Variants in TMEM132B observed in about 807,000 individuals in gnomAD.
The protein encoded by TMEM132B is transmembrane protein 132B.
Under a neutral mutation model 90.8 loss-of-function variants are expected in TMEM132B, and 18 were observed. The ratio of observed to expected loss-of-function variants is 0.20; its 90% CI spans 0.14 to 0.29. The LOEUF (loss-of-function observed/expected upper bound fraction) is 0.29, where lower values mean the gene tolerates loss of function less well. TMEM132B is among the 10% of genes least tolerant of loss of function. The probability of loss-of-function intolerance (pLI) is 1.00; values close to 1 mark genes in which losing one functional copy is unlikely to be tolerated. For missense variants in TMEM132B, 1,096 were observed against 1,326.8 expected, an observed-to-expected ratio of 0.83 and a Z score of 2.70; for synonymous variants, 504 against 523.3, an observed-to-expected ratio of 0.96 and a Z score of 0.50.
intron 3 of TMEM132B, among the ~76,000 whole-genome samples, chr12:125,457,857 C>G (rs1340743608): frequency 6.6e-6 from 1 of 152,192 alleles, no homozygotes; most frequent in Non-Finnish European, 1.5e-5. Context: ...CACAGGTGTA[C>G]ATGTCCAGGT....
intron 1 of TMEM132B, among the ~76,000 whole-genome samples, chr12:125,267,527 C>T (rs1013546566): frequency 2.0e-5 from 3 of 152,198 alleles, no homozygotes; most frequent in East Asian, 1.9e-4. Flanking sequence ...CATTTTCTGT[C>T]ACATCCTCTC....
chr12:125,452,474 TA>T (rs1427827771), intron 3 of TMEM132B, among the ~76,000 whole-genome samples: 3 of 152,236 alleles, frequency 2.0e-5, no homozygotes, highest in Non-Finnish European at 4.4e-5. Flanking sequence ...TGTGTACATG[TA>T]AAAGTACTTT....
At chr12:125,363,419 GA>G (rs1878022759) in intron 2 of TMEM132B, among the ~76,000 whole-genome samples, 1 of 152,132 alleles carries the variant, frequency 6.6e-6, no homozygotes, top group Non-Finnish European at 1.5e-5. Context: ...GGCTTTGCAT[GA>G]TGTTTCCCAG....
intron 4 of TMEM132B, among the ~76,000 whole-genome samples, chr12:125,530,804 C>G (rs1487656558): frequency 1.3e-5 from 2 of 152,226 alleles, no homozygotes; most frequent in African/African-American, 2.4e-5. Context: ...TGAGGGCTCA[C>G]CCTAATCCAG....
chr12:125,293,141 G>C (rs1325547003), intron 1 of TMEM132B, among the ~76,000 whole-genome samples: 1 of 152,202 alleles, frequency 6.6e-6, no homozygotes, highest in Non-Finnish European at 1.5e-5. Flanking sequence ...TTGATGGCCA[G>C]GGATGTGGTA....
intron 1 of TMEM132B, among the ~76,000 whole-genome samples, chr12:125,260,067 A>G (rs920418046): frequency 3.9e-5 from 6 of 152,226 alleles, no homozygotes; most frequent in African/African-American, 1.4e-4. Flanking sequence ...AACCACTGGT[A>G]TCCACACTGA....
In TMEM132B at chr12:125,406,371, AGTGCCT is replaced by A. The variant is rs1010985109; in HGVS notation, c.960-9158_960-9153del. ...GTATTAGCAGTGCAAGGCGGAGGAC[AGTGCCT>A]GGCTTCTAGAAGGGGCTTGAGACAT... is the stretch of plus-strand genomic sequence containing the variant. On this transcript the variant is annotated intron_variant, in intron 2 of 8. Coordinates refer to ENST00000682704, the MANE Select transcript of TMEM132B (RefSeq NM_001366854.1). This position sits in a 1 kb window ranked among gnomAD's most constrained non-coding sequence, Gnocchi z 8.3. Among the ~76,000 whole-genome samples the A allele has an allele frequency of 2.6e-5, 4 of 152,212 alleles. No individual in the cohort carries two copies. The highest frequency in any genetic ancestry group is 2.0e-4 in the Admixed American group (3 of 15,280).
chr12:125,218,867 C>A (rs1296045958), intron 1 of TMEM132B, among the ~76,000 whole-genome samples: 1 of 150,656 alleles, frequency 6.6e-6, no homozygotes, highest in East Asian at 2.0e-4. Flanking sequence ...CAAAAACCTG[C>A]CCATGAATGG....
At chr12:125,610,920 C>T (rs1413927487) in intron 5 of TMEM132B, among the ~76,000 whole-genome samples, 1 of 152,040 alleles carries the variant, frequency 6.6e-6, no homozygotes, top group Non-Finnish European at 1.5e-5. Context: ...GAAGATTTCC[C>T]TTCTCTGTTA....
Position 125,432,552 on chromosome 12 carries a change from G to GATAGAGAGAT in TMEM132B, c.1106+16876_1106+16877insTAGAGAGATA, listed in dbSNP as rs1330052373. ...ATAGAGAGAGAGAGAGAGAGAGAGA[G>GATAGAGAGAT]AGAGAGAGAGAGAGAAAGAGAGTGT... On this transcript the variant is annotated intron_variant, in intron 3 of 8. Coordinates refer to ENST00000682704, the MANE Select transcript of TMEM132B (RefSeq NM_001366854.1). Among the ~76,000 whole-genome samples the GATAGAGAGAT allele has an allele frequency of 6.5e-4, 85 of 131,632 alleles. 26 individuals carry two copies. The highest frequency in any genetic ancestry group is 1.8e-3 in the African/African-American group (60 of 32,926). The allele number at this position is 131,632 out of a possible 152,430, so 86.4% of individuals were successfully genotyped here.
At chr12:125,352,219 A>G (rs762524380) in intron 2 of TMEM132B, among the ~76,000 whole-genome samples, 1 of 152,256 alleles carries the variant, frequency 6.6e-6, no homozygotes, top group Non-Finnish European at 1.5e-5. Context: ...ACAATGCTGC[A>G]TATCAGTGGA....
rs188031995 is a variant in TMEM132B, at chr12:125,463,294, G to A, written c.1106+47617G>A. On this transcript the variant is annotated intron_variant, in intron 3 of 8. Transcript: ENST00000682704. Reference sequence around the variant, plus strand: ...ATCCCTTGAGACTGAGTAGGAACTCGCATTGTGGTCTGAATTGCTACATCC... The same window carrying A: ...ATCCCTTGAGACTGAGTAGGAACTCACATTGTGGTCTGAATTGCTACATCC... Among the ~76,000 whole-genome samples, 88 of 152,228 alleles carry A rather than the reference G, an allele frequency of 5.8e-4. 1 individual carries two copies. The highest frequency in any genetic ancestry group is 1.0e-3 in the Non-Finnish European group (68 of 68,014).
chr12:125,210,112 T>C (rs1433885592), intron 1 of TMEM132B, among the ~76,000 whole-genome samples: 2 of 152,228 alleles, frequency 1.3e-5, no homozygotes, highest in African/African-American at 4.8e-5. Context: ...CACTAAAATA[T>C]TCAGCATGTT....
intron 1 of TMEM132B, among the ~76,000 whole-genome samples, chr12:125,328,357 G>A (rs1421830765): frequency 6.6e-6 from 1 of 152,198 alleles, no homozygotes; most frequent in Non-Finnish European, 1.5e-5. Flanking sequence ...TTCCTCTGCT[G>A]GGAGCCTTCT....
rs1290390320 is a variant in TMEM132B at position 125,429,204 on chromosome 12, C to CTTTT, written c.1106+13536_1106+13539dup. ...TTAATTTTTTCCTAGTGTCCTCTTT[C>CTTTT]TTTTTTTTTTTTCAAGAGGGAGTCT... On this transcript the variant is annotated intron_variant, in intron 3 of 8. Coordinates refer to ENST00000682704, the MANE Select transcript of TMEM132B (RefSeq NM_001366854.1). 8.6e-3 allele frequency among the ~76,000 whole-genome samples: 1,238 copies of CTTTT among 143,216 alleles called. 15 individuals carry two copies. Among genetic ancestry groups the CTTTT allele is most frequent in the African/African-American group, 0.029 (1,128 of 39,208 alleles). 94.0% of individuals were successfully genotyped at this position (143,216 alleles called of 152,430 possible). A position where few individuals can be genotyped will look rare whatever the true frequency, so the allele number is the denominator to read the frequency against.
intron 5 of TMEM132B, among the ~76,000 whole-genome samples, chr12:125,591,788 G>A (rs1340383399): frequency 2.6e-5 from 4 of 152,096 alleles, no homozygotes; most frequent in African/African-American, 9.7e-5. Flanking sequence ...TGGTTGCATG[G>A]TCTCACCCCT....
intron 4 of TMEM132B, among the ~76,000 whole-genome samples, chr12:125,579,338 T>A (rs1231012187): frequency 6.6e-6 from 1 of 151,748 alleles, no homozygotes; most frequent in African/African-American, 2.4e-5. Context: ...ATTCTCTCTT[T>A]GGTGAGACAG....
At chr12:125,456,368 G>C (rs1881293006) in intron 3 of TMEM132B, among the ~76,000 whole-genome samples, 1 of 152,172 alleles carries the variant, frequency 6.6e-6, no homozygotes, top group East Asian at 1.9e-4. Context: ...CCAGCTGTGT[G>C]CTGATAACTG....
intron 4 of TMEM132B, among the ~76,000 whole-genome samples, chr12:125,566,861 T>G (rs1364291172): frequency 1.1e-5 from 1 of 88,944 alleles, no homozygotes; most frequent in Non-Finnish European, 2.5e-5. Context: ...TTTTTTTTTT[T>G]TAGATGGAGT....
Sources: gnomAD v4.1 joint callset for allele counts (sites outside exome capture counted in the v4.1 genomes callset) on GRCh38, gnomAD v4.1.1 for gene constraint, Gnocchi (gnomAD v3.1) non-coding constraint, MANE v1.5 for transcripts, NCBI Gene and HGNC (gene_info 2026-07-23, HGNC 2026-07-21) for gene names.